The following PRMT8 variants were observed in gnomAD, a reference collection of about 807,000 sequenced individuals.
The protein encoded by PRMT8 is protein arginine N-methyltransferase 8.
PRMT8 carries 7 observed loss-of-function variants against 47.1 expected under a neutral mutation model. That is an observed-to-expected ratio of 0.15 (90% confidence interval 0.08 to 0.28). PRMT8 has a LOEUF of 0.28. Among genes scored for constraint, PRMT8 ranks in the 10% least tolerant of loss-of-function variants. The probability of loss-of-function intolerance (pLI) is 1.00; values close to 1 mark genes in which losing one functional copy is unlikely to be tolerated. For missense variants in PRMT8, 237 were observed against 505.4 expected (o/e 0.47, Z 5.09); for synonymous variants, 188 against 186.5 (o/e 1.01, Z -0.07).
intron 8 of PRMT8, 147 bp from the exon 9 acceptor site, chr12:3,592,084 C>A: frequency 1.1e-6 from 1 of 886,748 alleles, no homozygotes; most frequent in Non-Finnish European, 1.7e-6. Flanking sequence ...GGACTATGCA[C>A]CTGACCCAAC....
rs1166100589 is a variant in PRMT8, at chr12:3,419,580, T to C, written c.48+38138T>C. ...CCTTGCCTAAGCAATCACCAAGACCTTGAATTCCTTCTGTTTAGTATTTGA... is the reference window on the plus strand; with the variant it reads ...CCTTGCCTAAGCAATCACCAAGACCCTGAATTCCTTCTGTTTAGTATTTGA... On this transcript the variant is annotated intron_variant, in intron 1 of 9. Coordinates refer to the PRMT8 transcript ENST00000452611. Among the ~76,000 whole-genome samples the C allele has an allele frequency of 5.9e-5, 9 of 151,914 alleles. No homozygotes were observed. The East Asian group carries it at 1.5e-3, about 26-fold the overall frequency.
At chr12:3,563,696 G>C (rs1444983028) in intron 4 of PRMT8, among the ~76,000 whole-genome samples, 1 of 152,056 alleles carries the variant, frequency 6.6e-6, no homozygotes, top group Non-Finnish European at 1.5e-5. Flanking sequence ...AGGAACCACG[G>C]AGAGGCACAA....
chr12:3,414,547 C>G (rs1169983979), intron 1 of PRMT8, among the ~76,000 whole-genome samples: 1 of 152,182 alleles, frequency 6.6e-6, no homozygotes, highest in Non-Finnish European at 1.5e-5. Flanking sequence ...TGGTCAGTTG[C>G]TTCTCTCTGG....
intron 1 of PRMT8, among the ~76,000 whole-genome samples, chr12:3,392,378 C>T (rs949673657): frequency 8.7e-6 from 1 of 114,318 alleles, no homozygotes; most frequent in African/African-American, 3.4e-5. Flanking sequence ...CACCCCACAA[C>T]AGTCCCCAGA....
At chr12:3,454,034 G>A (rs1010111575) in intron 1 of PRMT8, among the ~76,000 whole-genome samples, 12 of 152,164 alleles carry the variant, frequency 7.9e-5, no homozygotes, top group Admixed American at 6.5e-4. Context: ...AGCAATGCGG[G>A]CGTCAGCCTA....
At chr12:3,416,529 T>G (rs925652415) in intron 1 of PRMT8, among the ~76,000 whole-genome samples, 6 of 152,178 alleles carry the variant, frequency 3.9e-5, no homozygotes, top group Non-Finnish European at 8.8e-5. Context: ...TAAACACTTG[T>G]GGAGTCACTG....
intron 1 of PRMT8, among the ~76,000 whole-genome samples, chr12:3,494,268 T>C (rs1277463193): frequency 4.6e-5 from 7 of 152,336 alleles, no homozygotes; most frequent in African/African-American, 9.6e-5. Context: ...CACAGTCTCA[T>C]GGACAACTAT....
chr12:3,413,359 CTG>C (rs1309407506), intron 1 of PRMT8, among the ~76,000 whole-genome samples: 2 of 152,186 alleles, frequency 1.3e-5, no homozygotes, highest in African/African-American at 4.8e-5. Flanking sequence ...CCATGTGGAA[CTG>C]TGAGTCAATT....
chr12:3,505,339 C>A (rs1480836280), intron 1 of PRMT8, among the ~76,000 whole-genome samples: 1 of 152,192 alleles, frequency 6.6e-6, no homozygotes, highest in Non-Finnish European at 1.5e-5. Context: ...CAACACGGTG[C>A]CCGCCATATA....
chr12:3,390,084 A>G (rs1864179537), intron 1 of PRMT8, among the ~76,000 whole-genome samples: 1 of 152,310 alleles, frequency 6.6e-6, no homozygotes. Context: ...GAGTGGGGAG[A>G]AGAAGTGGTG....
chr12:3,548,313 A>G (rs1866360686), intron 2 of PRMT8, among the ~76,000 whole-genome samples: 1 of 152,222 alleles, frequency 6.6e-6, no homozygotes, highest in South Asian at 2.1e-4. Flanking sequence ...ACCTATCATA[A>G]GTGAAAAAAA....
chr12:3,419,888 A>G (rs563017367), intron 1 of PRMT8, among the ~76,000 whole-genome samples: 1 of 146,584 alleles, frequency 6.8e-6, no homozygotes, highest in East Asian at 2.1e-4. Flanking sequence ...TGACCTCATC[A>G]TGCTGTGAGT....
intron 1 of PRMT8, among the ~76,000 whole-genome samples, chr12:3,384,424 A>G (rs577333557): frequency 5.3e-5 from 8 of 152,308 alleles, no homozygotes; most frequent in Admixed American, 1.3e-4. Flanking sequence ...TGAACTGCAA[A>G]TGATAGATTA....
rs546185798 is a variant in PRMT8 at position 3,555,768 on chromosome 12, AGAT to A, written c.481+2056_481+2058del. Among the ~76,000 whole-genome samples the A allele has an allele frequency of 5.5e-3, 839 of 151,720 alleles. 6 individuals are homozygous for A. The highest frequency in any genetic ancestry group is 9.2e-3 in the Non-Finnish European group (625 of 67,634). On this transcript the variant is annotated intron_variant, in intron 4 of 9. Coordinates refer to ENST00000382622, the MANE Select transcript of PRMT8 (RefSeq NM_019854.5). ...AGTAATCCCTGTGGGACATGCTTGG[AGAT>A]GGAGGCACAGGACCTGAGGGTGCAT...
intron 1 of PRMT8, among the ~76,000 whole-genome samples, chr12:3,455,147 C>A (rs961798459): frequency 6.6e-6 from 1 of 152,146 alleles, no homozygotes; most frequent in Non-Finnish European, 1.5e-5. Context: ...TAAACTCTTT[C>A]TCTGCTGCAG....
At chr12:3,487,198 G>T (rs988753948), upstream of PRMT8, among the ~76,000 whole-genome samples, 1 of 152,186 alleles carries the variant, frequency 6.6e-6, no homozygotes, top group African/African-American at 2.4e-5. Context: ...AGGAGTCGTG[G>T]ATTCACTGCA....
intron 1 of PRMT8, among the ~76,000 whole-genome samples, chr12:3,517,921 G>T: frequency 6.6e-6 from 1 of 152,056 alleles, no homozygotes; most frequent in East Asian, 1.9e-4. Flanking sequence ...GCTCAGATAA[G>T]GATTGAGTGT....
rs374541755 is a variant in PRMT8, at chr12:3,494,127, TG to T, written c.75+2429del. On this transcript the variant is annotated intron_variant, in intron 1 of 9. Coordinates refer to ENST00000382622, the MANE Select transcript of PRMT8 (RefSeq NM_019854.5). ...GCACGCCTCCACGTGTGTCAGTGGG[TG>T]GTGGGGAGCGTGGTAGTGGTCCTAG... Among the ~76,000 whole-genome samples, 278 of 152,166 alleles carry T rather than the reference TG, an allele frequency of 1.8e-3. 2 individuals are homozygous for T. The highest frequency in any genetic ancestry group is 6.4e-3 in the African/African-American group (264 of 41,506).
intron 1 of PRMT8, among the ~76,000 whole-genome samples, chr12:3,398,661 A>G (rs1160385229): frequency 6.6e-6 from 1 of 152,196 alleles, no homozygotes; most frequent in Admixed American, 6.5e-5. Context: ...TCAATCAGCC[A>G]TAAGCTTCCC....
Sources: gnomAD v4.1 joint callset for allele counts (sites outside exome capture counted in the v4.1 genomes callset) on GRCh38, gnomAD v4.1.1 for gene constraint, MANE v1.5 for transcripts, NCBI Gene and HGNC (gene_info 2026-07-23, HGNC 2026-07-21) for gene names.